ARHGAP21: variants seen among roughly 807,000 people sequenced by gnomAD.
ARHGAP21 encodes rho GTPase-activating protein 21.
Under a neutral mutation model 164.6 loss-of-function variants are expected in ARHGAP21, and 38 were observed. That is an observed-to-expected ratio of 0.23 (90% confidence interval 0.18 to 0.30). The LOEUF (loss-of-function observed/expected upper bound fraction) is 0.30, where lower values mean the gene tolerates loss of function less well. Ranked by LOEUF, ARHGAP21 falls within the 10% of genes least tolerant of loss-of-function variation. The pLI is 1.00. For missense variants in ARHGAP21, 1,822 were observed against 2,370.7 expected (o/e 0.77, Z 4.81); for synonymous variants, 766 against 857.9 (o/e 0.89, Z 1.87).
In ARHGAP21 at chr10:24,722,036, C is replaced by T. The variant is rs957989506; in HGVS notation, c.-137G>A. 17 of 882,144 alleles carry T rather than the reference C, an allele frequency of 1.9e-5. No homozygotes were observed. The African/African-American group carries it at 2.5e-4, about 13-fold the overall frequency. 54.6% of individuals were successfully genotyped at this position (882,144 alleles called of 1,614,324 possible). On this transcript the variant is annotated 5_prime_UTR_variant, in exon 2 of 26. Transcript: ENST00000396432. The stretch of plus-strand genomic sequence containing the variant: ...GGGGCAGGGCTGTTGAAACAGACAA[C>T]GTGCCAGGGAATAAAGGTTTTCAGG...
intron 21 of ARHGAP21, among the ~76,000 whole-genome samples, chr10:24,594,488 A>AAAAAG (rs1466367785): frequency 6.6e-6 from 1 of 152,200 alleles, no homozygotes; most frequent in Non-Finnish European, 1.5e-5. Context: ...ATAATTTAAA[A>AAAAAG]AAAAGAAAAA....
intron 2 of ARHGAP21, among the ~76,000 whole-genome samples, chr10:24,707,100 C>G (rs1844314438): frequency 6.6e-6 from 1 of 152,182 alleles, no homozygotes; most frequent in Admixed American, 6.5e-5. Context: ...TTCAATGGCT[C>G]TCATCCTGGG....
intron 2 of ARHGAP21, among the ~76,000 whole-genome samples, chr10:24,679,512 T>C (rs1334646308): frequency 3.9e-5 from 6 of 152,224 alleles, no homozygotes; most frequent in African/African-American, 7.2e-5. Flanking sequence ...TATAATTACA[T>C]GTTTACTTTT....
At chr10:24,633,668 A>G (rs917687163) in intron 5 of ARHGAP21, among the ~76,000 whole-genome samples, 188 bp from the exon 6 acceptor site, 1 of 152,096 alleles carries the variant, frequency 6.6e-6, no homozygotes, top group Non-Finnish European at 1.5e-5. Context: ...CTAGCTTATT[A>G]CTTTTAAAGT....
chr10:24,594,630 C>G (rs2076499522), intron 21 of ARHGAP21, among the ~76,000 whole-genome samples: 2 of 133,620 alleles, frequency 1.5e-5, no homozygotes, highest in African/African-American at 5.5e-5. Flanking sequence ...TTCTATTTGG[C>G]CTTTTGACTG....
intron 2 of ARHGAP21, among the ~76,000 whole-genome samples, chr10:24,701,491 T>C (rs1843667032): frequency 6.6e-6 from 1 of 152,114 alleles, no homozygotes; most frequent in Non-Finnish European, 1.5e-5. Flanking sequence ...GAACAGAACA[T>C]TTCTCTGAGA....
Position 24,602,212 on chromosome 10 carries a change from C to G in ARHGAP21, c.2722-109G>C. The G allele has an allele frequency of 3.2e-6, 4 of 1,258,968 alleles. 1 individual carries two copies. The highest frequency in any genetic ancestry group is 3.4e-5 in the South Asian group (2 of 59,046). 78.0% of individuals were successfully genotyped at this position (1,258,968 alleles called of 1,614,324 possible). A position where few individuals can be genotyped will look rare whatever the true frequency, so the allele number is the denominator to read the frequency against. ...TTTATTTAATGTTTCAAGTGAAGGG[C>G]TATTTTTGAAAAATCCTAACTTTAT... On this transcript the variant is annotated intron_variant, in intron 12 of 25. Coordinates refer to ENST00000396432, the MANE Select transcript of ARHGAP21 (RefSeq NM_020824.4).
chr10:24,590,754 T>C (rs1481746307), intron 24 of ARHGAP21: 1 of 985,128 alleles, frequency 1.0e-6, no homozygotes, highest in African/African-American at 1.7e-5. Context: ...TGAAAATGTA[T>C]TTATGAAAAT....
Position 24,620,313 on chromosome 10 carries a change from A to G in ARHGAP21, c.1582T>C (p.Trp528Arg), listed in dbSNP as rs1402864060. 3.1e-6 allele frequency: 5 copies of G among 1,613,762 alleles called. No homozygotes were observed. Among genetic ancestry groups the G allele is most frequent in the Non-Finnish European group, 4.2e-6 (5 of 1,179,864 alleles). The change falls in exon 9 of 26, where the codon TGG (tryptophan) becomes CGG (arginine). Residue 528 changes from tryptophan (W) to arginine (R), a missense_variant. Coordinates refer to ENST00000396432, the MANE Select transcript of ARHGAP21 (RefSeq NM_020824.4). ...SNGEKKQTYK[W>R]SGFTEQDDRR... ...TCATCCTGTTCAGTAAACCCACTCCACTTGTAAGTCTGTTTTTTCTCTCCA... is the reference window on the plus strand; with the variant it reads ...TCATCCTGTTCAGTAAACCCACTCCGCTTGTAAGTCTGTTTTTTCTCTCCA...
intron 15 of ARHGAP21, 109 bp from the exon 16 acceptor site, chr10:24,597,692 G>A (rs1344027871): frequency 4.8e-6 from 7 of 1,468,830 alleles, no homozygotes; most frequent in African/African-American, 1.4e-5. Context: ...GAAAATTCTT[G>A]GAATAAACAA....
intron 14 of ARHGAP21, 132 bp downstream of exon 14, chr10:24,600,514 T>C (rs2076771217): frequency 3.4e-6 from 4 of 1,176,996 alleles, no homozygotes; most frequent in African/African-American, 1.5e-5. Context: ...AGTTTTCCTT[T>C]TCATCAACTG....
chr10:24,587,827 TTACTC>T (rs147050571), intron 25 of ARHGAP21, among the ~76,000 whole-genome samples: 1,831 of 152,318 alleles, frequency 0.012, 28 homozygotes, highest in African/African-American at 0.042. Context: ...TTGAGGCAAA[TTACTC>T]TACTTTTCTA....
At position 24,723,626 on chromosome 10, in the gene ARHGAP21, G is replaced by C. The variant is rs1250082519; in HGVS notation, c.-445C>G. ...GGCTCCGGGACAGCGCGCCCCGCCC[G>C]CCCGCCCGGCGTGAGCCGGACCCCG... On this transcript the variant is annotated 5_prime_UTR_variant, in exon 1 of 26. Coordinates refer to ENST00000396432, the MANE Select transcript of ARHGAP21 (RefSeq NM_020824.4). 1 of 146,684 alleles carries C rather than the reference G, an allele frequency of 6.8e-6. No homozygotes were observed. The highest frequency in any genetic ancestry group is 2.0e-4 in the East Asian group (1 of 4,964). 9.1% of individuals were successfully genotyped at this position (146,684 alleles called of 1,614,324 possible).
intron 4 of ARHGAP21, among the ~76,000 whole-genome samples, chr10:24,640,684 A>G (rs531483625): frequency 1.3e-5 from 2 of 152,300 alleles, no homozygotes; most frequent in South Asian, 4.1e-4. Context: ...TTTCAGATAA[A>G]AAATAACTGA....
intron 13 of ARHGAP21, 68 bp downstream of exon 13, chr10:24,601,910 C>G: frequency 1.2e-5 from 16 of 1,379,816 alleles, no homozygotes; most frequent in Non-Finnish European, 1.5e-5. Flanking sequence ...TTTATGTATA[C>G]AGGCTTTATG....
intron 7 of ARHGAP21, among the ~76,000 whole-genome samples, chr10:24,625,849 G>A (rs1835089915): frequency 6.6e-6 from 1 of 152,078 alleles, no homozygotes. Context: ...AAGAACACTG[G>A]ACTCAGAACC....
Position 24,721,906 on chromosome 10 carries a change from TCAAATGACAAAGAAGGGA to T in ARHGAP21, c.-25_-8del, listed in dbSNP as rs775312681. The T allele has an allele frequency of 1.2e-6, 2 of 1,614,158 alleles. No individual in the cohort carries two copies. Among genetic ancestry groups the T allele is most frequent in the South Asian group, 2.2e-5 (2 of 91,048 alleles). ...TCCGACGCGTGGCCATCATTTCATT[TCAAATGACAAAGAAGGGA>T]CAAATCCTTTGGAGTCCACATTGGA... is the stretch of plus-strand genomic sequence containing the variant. On this transcript the variant is annotated 5_prime_UTR_variant, in exon 2 of 26. Transcript: ENST00000396432.
At chr10:24,687,692 T>C (rs1189413750) in intron 2 of ARHGAP21, among the ~76,000 whole-genome samples, 1 of 152,242 alleles carries the variant, frequency 6.6e-6, no homozygotes, top group Non-Finnish European at 1.5e-5. Context: ...AAACAATTAC[T>C]TCCCTTCCCT....
At chr10:24,684,333 C>T (rs944342898) in intron 2 of ARHGAP21, among the ~76,000 whole-genome samples, 20 of 151,812 alleles carry the variant, frequency 1.3e-4, no homozygotes, top group Admixed American at 3.9e-4. Flanking sequence ...AGATACAACA[C>T]TATAAAACAC....
Sources: gnomAD v4.1 joint callset for allele counts (sites outside exome capture counted in the v4.1 genomes callset) on GRCh38, gnomAD v4.1.1 for gene constraint, MANE v1.5 for transcripts, NCBI Gene and HGNC (gene_info 2026-07-23, HGNC 2026-07-21) for gene names.